Variants in PCDH11X observed in about 807,000 individuals in gnomAD.
PCDH11X encodes protocadherin-11 X-linked.
A neutral mutation model predicts 53.3 loss-of-function variants in PCDH11X; 18 were observed. The observed-to-expected ratio is 0.34, with a 90% CI of 0.23 to 0.50. The LOEUF (loss-of-function observed/expected upper bound fraction) is 0.50, where lower values mean the gene tolerates loss of function less well. PCDH11X is among the 20% of genes least tolerant of loss of function. The pLI is 0.98. For synonymous variants in PCDH11X, 279 were observed against 393.3 expected (o/e 0.71, Z 3.44); for missense variants, 570 against 1,032.4 (o/e 0.55, Z 6.14).
At chrX:92,070,826 G>A (rs1014034275) in intron 6 of PCDH11X, among the ~76,000 whole-genome samples, 22 of 111,172 alleles carry the variant, frequency 2.0e-4, no homozygotes, top group African/African-American at 5.2e-4. Flanking sequence ...TTGAGATGGA[G>A]TCTTGCTCTG....
At chrX:91,855,716 T>C (rs1938293646) in intron 5 of PCDH11X, among the ~76,000 whole-genome samples, 1 of 111,014 alleles carries the variant, frequency 9.0e-6, no homozygotes, top group Admixed American at 9.6e-5. Context: ...ATTTTTTACT[T>C]CTTTGGATAA....
chrX:92,214,809 GA>G (rs1243019848), intron 7 of PCDH11X, among the ~76,000 whole-genome samples: 1 of 111,573 alleles, frequency 9.0e-6, no homozygotes, highest in African/African-American at 3.3e-5. Flanking sequence ...AGCAATTTGG[GA>G]AGCCGTGGCA....
At chrX:92,611,846 T>A (rs760505448) in intron 10 of PCDH11X, among the ~76,000 whole-genome samples, 9 of 106,147 alleles carry the variant, frequency 8.5e-5, no homozygotes, top group Admixed American at 6.2e-4. Context: ...CACTTTTTTT[T>A]TAAATTTACT....
chrX:91,868,783 C>T lies in PCDH11X; in HGVS notation c.541-7998C>T, dbSNP rs28429452. On this transcript the variant is annotated intron_variant, in intron 5 of 10. Coordinates refer to ENST00000682573, the MANE Select transcript of PCDH11X (RefSeq NM_032968.5). ...ATTACTGATTTTTTTAAAGTTTAACCTAATCACAAGTTTTCATTAAAATTT... is the reference window on the plus strand; with the variant it reads ...ATTACTGATTTTTTTAAAGTTTAACTTAATCACAAGTTTTCATTAAAATTT... 6.3e-5 allele frequency among the ~76,000 whole-genome samples: 7 copies of T among 111,246 alleles called. No homozygotes were observed. In the East Asian group the frequency reaches 2.0e-3, roughly 32 times the overall value.
chrX:92,573,756 A>T (rs1922486651), intron 10 of PCDH11X, among the ~76,000 whole-genome samples: 1 of 108,456 alleles, frequency 9.2e-6, no homozygotes, highest in Non-Finnish European at 1.9e-5. Flanking sequence ...AAAATACTAT[A>T]GGCTTTTCAT....
chrX:92,316,114 C>T (rs2755351), intron 8 of PCDH11X, among the ~76,000 whole-genome samples: 11,901 of 93,648 alleles, frequency 0.13, 993 homozygotes, highest in East Asian at 0.21. Context: ...ATCTTTGTGC[C>T]GGCAATTGTG....
chrX:91,913,355 T>A (rs1168890704), intron 6 of PCDH11X, among the ~76,000 whole-genome samples: 1 of 111,299 alleles, frequency 9.0e-6, no homozygotes, highest in Non-Finnish European at 1.9e-5. Flanking sequence ...TGTGGCAAGG[T>A]CAGAGCAGGG....
chrX:92,518,947 C>T (rs1341199955), intron 10 of PCDH11X, among the ~76,000 whole-genome samples: 3 of 107,619 alleles, frequency 2.8e-5, no homozygotes, highest in Non-Finnish European at 5.8e-5. Context: ...TTAGTAGAGA[C>T]GGGGATTCAC....
chrX:92,494,488 C>A (rs2073827070), intron 10 of PCDH11X, among the ~76,000 whole-genome samples: 1 of 109,653 alleles, frequency 9.1e-6, no homozygotes, highest in South Asian at 4.0e-4. Context: ...GGCTGTCATG[C>A]TATATGTACA....
chrX:91,840,607 A>T (rs1231394471), intron 5 of PCDH11X, among the ~76,000 whole-genome samples: 1 of 111,917 alleles, frequency 8.9e-6, no homozygotes, highest in Non-Finnish European at 1.9e-5. Context: ...TGGGGTTAGA[A>T]AATCTAAATT....
At chrX:92,598,394 T>G (rs1359960747) in intron 10 of PCDH11X, among the ~76,000 whole-genome samples, 1 of 110,593 alleles carries the variant, frequency 9.0e-6, no homozygotes, top group Non-Finnish European at 1.9e-5. Flanking sequence ...ACACAAAATG[T>G]GAATATACAT....
chrX:92,280,595 G>A (rs1222618284), intron 8 of PCDH11X, among the ~76,000 whole-genome samples: 1 of 109,937 alleles, frequency 9.1e-6, no homozygotes, highest in East Asian at 2.8e-4. Flanking sequence ...ACTGACATAT[G>A]AGTATACTTT....
At chrX:92,492,662 C>G (rs2148686091) in intron 10 of PCDH11X, among the ~76,000 whole-genome samples, 1 of 108,805 alleles carries the variant, frequency 9.2e-6, no homozygotes, top group African/African-American at 3.3e-5. Context: ...AAGTGTGTTT[C>G]AGATCCATCT....
At chrX:92,332,690 A>G (rs1456812529) in intron 8 of PCDH11X, among the ~76,000 whole-genome samples, 1 of 111,017 alleles carries the variant, frequency 9.0e-6, no homozygotes, top group Non-Finnish European at 1.9e-5. Flanking sequence ...GGGTAATTTG[A>G]CCAATCAATC....
intron 6 of PCDH11X, among the ~76,000 whole-genome samples, chrX:92,109,017 G>A (rs920428993): frequency 9.0e-6 from 1 of 111,477 alleles, no homozygotes; most frequent in African/African-American, 3.3e-5. Context: ...GGCTGTGTGG[G>A]AGACTGGAGT....
chrX:92,080,579 T>G (rs1226961387), intron 6 of PCDH11X, among the ~76,000 whole-genome samples: 2 of 110,370 alleles, frequency 1.8e-5, no homozygotes, highest in East Asian at 5.8e-4. Context: ...AGAAGAGGAT[T>G]TAACTTGATC....
intron 9 of PCDH11X, among the ~76,000 whole-genome samples, chrX:92,414,908 A>G (rs1412394033): frequency 9.0e-6 from 1 of 110,545 alleles, no homozygotes; most frequent in African/African-American, 3.3e-5. Context: ...TTGGCCTATG[A>G]ATTGAAAATT....
At chrX:92,458,543 C>T (rs1163002757) in intron 9 of PCDH11X, among the ~76,000 whole-genome samples, 1 of 111,119 alleles carries the variant, frequency 9.0e-6, no homozygotes, top group Non-Finnish European at 1.9e-5. Flanking sequence ...CTATGCTTTC[C>T]AGCCTTTGGC....
intron 8 of PCDH11X, among the ~76,000 whole-genome samples, chrX:92,306,075 A>G (rs953224861): frequency 1.4e-4 from 16 of 112,049 alleles, no homozygotes; most frequent in African/African-American, 5.2e-4. Flanking sequence ...TATCCTTTTC[A>G]ATCACAATTG....
Sources: gnomAD v4.1 joint callset for allele counts (sites outside exome capture counted in the v4.1 genomes callset) on GRCh38, gnomAD v4.1.1 for gene constraint, MANE v1.5 for transcripts, NCBI Gene and HGNC (gene_info 2026-07-23, HGNC 2026-07-21) for gene names.